The following ANGPT1 variants were observed in gnomAD, a reference collection of about 807,000 sequenced individuals.
ANGPT1 encodes angiopoietin 1, also known as angiopoietin-1.
Under a neutral mutation model 62.2 loss-of-function variants are expected in ANGPT1, and 17 were observed. That is an observed-to-expected ratio of 0.27 (90% confidence interval 0.19 to 0.41). ANGPT1 has a LOEUF of 0.41. Among genes scored for constraint, ANGPT1 ranks in the 10% least tolerant of loss-of-function variants. The pLI is 1.00. For missense variants in ANGPT1, 478 were observed against 594.9 expected (o/e 0.80, Z 2.04); for synonymous variants, 199 against 198.9 (o/e 1.00, Z 0.00).
intron 4 of ANGPT1, among the ~76,000 whole-genome samples, chr8:107,309,162 A>G (rs1026089681): frequency 6.6e-6 from 1 of 152,212 alleles, no homozygotes; most frequent in Non-Finnish European, 1.5e-5. Flanking sequence ...TAAAGAAATC[A>G]GTTCTTCAAT....
Position 107,303,312 on chromosome 8 carries a change from A to C in ANGPT1, c.864T>G (p.Asp288Glu), listed in dbSNP as rs752837715. 1 of 1,605,356 alleles carries C rather than the reference A, an allele frequency of 6.2e-7. No individual in the cohort carries two copies. The highest frequency in any genetic ancestry group is 1.1e-5 in the South Asian group (1 of 90,724). ...EEEKPFRDCA[D>E]VYQAGFNKSG... Reference sequence around the variant, plus strand: ...TTTTATTAAAACCAGCTTGATATACATCTGCACAGTCTCTAAATGGTTTCT... The same window carrying C: ...TTTTATTAAAACCAGCTTGATATACCTCTGCACAGTCTCTAAATGGTTTCT... The change falls in exon 5 of 9, where the codon GAT (aspartate) becomes GAG (glutamate). Residue 288 changes from aspartate to glutamate, a missense_variant. This residue lies in a region of ANGPT1 where 343 missense variants were observed against 355.4 expected (regional missense o/e 0.97). Transcript: ENST00000517746.
intron 1 of ANGPT1, among the ~76,000 whole-genome samples, chr8:107,398,420 C>T (rs1816978157): frequency 6.6e-6 from 1 of 151,124 alleles, no homozygotes; most frequent in African/African-American, 2.4e-5. Context: ...CAAAGATTTG[C>T]TTGGTTGTAA....
At chr8:107,404,127 GA>G in intron 1 of ANGPT1, among the ~76,000 whole-genome samples, 1 of 152,108 alleles carries the variant, frequency 6.6e-6, no homozygotes, top group East Asian at 1.9e-4. Flanking sequence ...TTTTAAAAGA[GA>G]ACAAAAATAC....
intron 7 of ANGPT1, among the ~76,000 whole-genome samples, chr8:107,278,065 G>A (rs1447897954): frequency 6.6e-6 from 1 of 151,066 alleles, no homozygotes; most frequent in African/African-American, 2.4e-5. Flanking sequence ...AAGTCTGTTT[G>A]CTCTTTTCTT....
intron 4 of ANGPT1, among the ~76,000 whole-genome samples, chr8:107,306,354 T>C (rs3923213): frequency 0.045 from 6,921 of 152,214 alleles, 412 homozygotes; most frequent in African/African-American, 0.14. Flanking sequence ...ATACCATTGT[T>C]TACATTTAAG....
intron 3 of ANGPT1, among the ~76,000 whole-genome samples, chr8:107,326,200 C>T (rs1472665363): frequency 1.3e-5 from 2 of 152,038 alleles, no homozygotes; most frequent in East Asian, 1.9e-4. Context: ...GAAGGCTACT[C>T]TACAGCACAG....
At chr8:107,313,086 G>T (rs1814915348) in intron 4 of ANGPT1, among the ~76,000 whole-genome samples, 1 of 151,890 alleles carries the variant, frequency 6.6e-6, no homozygotes, top group Non-Finnish European at 1.5e-5. Flanking sequence ...TATTCTAAAG[G>T]ACGTCATCCC....
intron 7 of ANGPT1, among the ~76,000 whole-genome samples, chr8:107,266,625 C>CT (rs1226060113): frequency 6.6e-6 from 1 of 152,134 alleles, no homozygotes; most frequent in Non-Finnish European, 1.5e-5. Flanking sequence ...AATTTTAACT[C>CT]TGATTTTTTG....
At chr8:107,325,325 G>C (rs536793952) in intron 3 of ANGPT1, among the ~76,000 whole-genome samples, 2 of 152,104 alleles carry the variant, frequency 1.3e-5, no homozygotes, top group East Asian at 3.9e-4. Flanking sequence ...CTAGTCCTGG[G>C]GTAATGATCA....
intron 2 of ANGPT1, among the ~76,000 whole-genome samples, chr8:107,339,326 A>G (rs1252001277): frequency 1.3e-5 from 2 of 152,184 alleles, no homozygotes; most frequent in Non-Finnish European, 2.9e-5. Context: ...CTGGTCTGAA[A>G]AGACCCACGT....
intron 1 of ANGPT1, among the ~76,000 whole-genome samples, chr8:107,415,721 A>G (rs1444268956): frequency 6.6e-6 from 1 of 152,196 alleles, no homozygotes; most frequent in Admixed American, 6.5e-5. Context: ...TGGACAAACA[A>G]TAAAAAGAAA....
chr8:107,311,530 A>G (rs1470109218), intron 4 of ANGPT1, among the ~76,000 whole-genome samples: 1 of 152,206 alleles, frequency 6.6e-6, no homozygotes, highest in Non-Finnish European at 1.5e-5. Flanking sequence ...ATACTACGAT[A>G]TACATAAGAC....
chr8:107,287,646 C>G (rs1350734167), intron 6 of ANGPT1, among the ~76,000 whole-genome samples: 1 of 152,116 alleles, frequency 6.6e-6, no homozygotes, highest in African/African-American at 2.4e-5. Flanking sequence ...CATTAGTAAA[C>G]TGTCTTTTGG....
At chr8:107,445,555 A>G (rs759098862) in intron 1 of ANGPT1, among the ~76,000 whole-genome samples, 17 of 152,110 alleles carry the variant, frequency 1.1e-4, no homozygotes, top group Non-Finnish European at 2.1e-4. Context: ...TCTATTTTAC[A>G]TTGTAGGCAA....
chr8:107,434,858 G>A (rs1309446932), intron 1 of ANGPT1, among the ~76,000 whole-genome samples: 1 of 152,136 alleles, frequency 6.6e-6, no homozygotes, highest in African/African-American at 2.4e-5. Context: ...TAAACTCTTA[G>A]CTGTTGAGCA....
At chr8:107,427,246 G>A (rs1437122666) in intron 1 of ANGPT1, among the ~76,000 whole-genome samples, 1 of 152,124 alleles carries the variant, frequency 6.6e-6, no homozygotes, top group Non-Finnish European at 1.5e-5. Flanking sequence ...AGGAATGGGG[G>A]TTAGGGGCTG....
chr8:107,493,840 C>T lies in ANGPT1; in HGVS notation c.297+3422G>A, dbSNP rs60357123. 2.6e-3 allele frequency among the ~76,000 whole-genome samples: 385 copies of T among 150,226 alleles called. 22 individuals carry two copies. The highest frequency in any genetic ancestry group is 8.4e-3 in the African/African-American group (344 of 40,790). On this transcript the variant is annotated intron_variant, in intron 1 of 8. Transcript: ENST00000517746. ...ATGTAATATATGGGTTTAAAAAAAT[C>T]GTCATCATCAATGTGTTTTGGGTAA...
chr8:107,379,997 T>G (rs1335819959), intron 1 of ANGPT1, among the ~76,000 whole-genome samples: 1 of 152,084 alleles, frequency 6.6e-6, no homozygotes, highest in Non-Finnish European at 1.5e-5. Flanking sequence ...CACAAAAATC[T>G]AAGAAAGCGC....
intron 1 of ANGPT1, among the ~76,000 whole-genome samples, chr8:107,382,864 T>A (rs560177298): frequency 6.6e-6 from 1 of 152,282 alleles, no homozygotes; most frequent in Non-Finnish European, 1.5e-5. Flanking sequence ...ATACAACTTA[T>A]GAATTTGCCT....
Sources: gnomAD v4.1 joint callset for allele counts (sites outside exome capture counted in the v4.1 genomes callset) on GRCh38, gnomAD v4.1.1 for gene constraint, gnomAD v4.1.1 regional missense constraint, MANE v1.5 for transcripts, NCBI Gene and HGNC (gene_info 2026-07-23, HGNC 2026-07-21) for gene names.